Variants in MAGI2 observed in about 807,000 individuals in gnomAD.
The protein encoded by MAGI2 is membrane-associated guanylate kinase, WW and PDZ domain-containing protein 2.
Under a neutral mutation model 133.3 loss-of-function variants are expected in MAGI2, and 35 were observed. The ratio of observed to expected loss-of-function variants is 0.26; its 90% CI spans 0.20 to 0.35. The LOEUF is 0.35. MAGI2 is among the 10% of genes least tolerant of loss of function. MAGI2 has a pLI of 1.00. For missense variants in MAGI2, 1,636 were observed against 1,863.4 expected (o/e 0.88, Z 2.25); for synonymous variants, 729 against 710.6 (o/e 1.03, Z -0.41).
intron 12 of MAGI2, among the ~76,000 whole-genome samples, chr7:78,191,099 T>A (rs2150726473): frequency 6.6e-6 from 1 of 152,326 alleles, no homozygotes; most frequent in African/African-American, 2.4e-5. Context: ...GGTCAATGTT[T>A]AAATAATTAA....
At chr7:79,017,523 A>G (rs1485188751) in intron 1 of MAGI2, among the ~76,000 whole-genome samples, 3 of 152,212 alleles carry the variant, frequency 2.0e-5, no homozygotes, top group African/African-American at 7.2e-5. Context: ...TCAAAAAGCC[A>G]AAGTGGCTTC....
chr7:78,035,372 G>A (rs767157254), intron 21 of MAGI2, among the ~76,000 whole-genome samples: 3 of 136,240 alleles, frequency 2.2e-5, no homozygotes, highest in East Asian at 2.1e-4. Context: ...GAGTGAACGA[G>A]GGGTCCCAAG....
chr7:78,664,216 T>C (rs924953924), intron 2 of MAGI2, among the ~76,000 whole-genome samples: 5 of 152,142 alleles, frequency 3.3e-5, no homozygotes, highest in African/African-American at 4.8e-5. Flanking sequence ...CATGTTGATA[T>C]ATGTATATAC....
At chr7:79,186,407 A>G (rs1827149931) in intron 1 of MAGI2, among the ~76,000 whole-genome samples, 1 of 149,404 alleles carries the variant, frequency 6.7e-6, no homozygotes. Flanking sequence ...AATAGAAAAC[A>G]TCTCAATTTT....
chr7:79,251,988 C>T (rs2129555725), intron 1 of MAGI2, among the ~76,000 whole-genome samples: 1 of 151,956 alleles, frequency 6.6e-6, no homozygotes, highest in South Asian at 2.1e-4. Context: ...AAAACCTCAT[C>T]TTTACTAAAA....
At chr7:78,141,368 T>C (rs140319373) in intron 16 of MAGI2, among the ~76,000 whole-genome samples, 396 of 152,280 alleles carry the variant, frequency 2.6e-3, no homozygotes, top group African/African-American at 9.0e-3. Flanking sequence ...CATCGCTGCT[T>C]CCTAAAAATT....
intron 6 of MAGI2, among the ~76,000 whole-genome samples, chr7:78,429,453 C>T (rs924734708): frequency 2.6e-5 from 4 of 151,868 alleles, no homozygotes; most frequent in Admixed American, 6.6e-5. Context: ...TGAAAACTCC[C>T]GTGGAAAAAA....
chr7:78,614,361 T>C, intron 3 of MAGI2: 1 of 151,512 alleles, frequency 6.6e-6, no homozygotes, highest in East Asian at 1.9e-4. Flanking sequence ...AAAAAATGGA[T>C]AAACTTGTAA....
intron 1 of MAGI2, among the ~76,000 whole-genome samples, chr7:79,161,150 C>T (rs1305538129): frequency 6.6e-6 from 1 of 151,892 alleles, no homozygotes; most frequent in East Asian, 1.9e-4. Context: ...ACCCCTTTAC[C>T]TAAATGTCTT....
At chr7:78,072,858 C>T (rs974085448) in intron 21 of MAGI2, 5 of 398,328 alleles carry the variant, frequency 1.3e-5, no homozygotes. Flanking sequence ...ACAAGGTCTC[C>T]CTATGTTGCC....
chr7:78,871,242 C>T (rs1050362290), intron 2 of MAGI2, among the ~76,000 whole-genome samples: 16 of 152,114 alleles, frequency 1.1e-4, no homozygotes, highest in Middle Eastern at 3.4e-3. Flanking sequence ...ACCCAGGAGG[C>T]GAAGCTTGCC....
chr7:78,782,116 T>C (rs865781723), intron 2 of MAGI2, among the ~76,000 whole-genome samples: 1 of 152,330 alleles, frequency 6.6e-6, no homozygotes, highest in African/African-American at 2.4e-5. Flanking sequence ...GGTGAAAAAG[T>C]AGCACAAAAT....
At chr7:78,427,092 C>T (rs1160969695) in intron 6 of MAGI2, among the ~76,000 whole-genome samples, 1 of 151,664 alleles carries the variant, frequency 6.6e-6, no homozygotes, top group Non-Finnish European at 1.5e-5. Flanking sequence ...TTTAGAGTAA[C>T]CACTAAAAAC....
chr7:79,125,293 C>T (rs1264455521), intron 1 of MAGI2: 1 of 458,780 alleles, frequency 2.2e-6, no homozygotes, highest in Non-Finnish European at 4.2e-6. Context: ...CAAGAGATGG[C>T]TAGTGCTTCA....
At chr7:79,002,555 G>A (rs1008042968) in intron 2 of MAGI2, among the ~76,000 whole-genome samples, 1 of 151,818 alleles carries the variant, frequency 6.6e-6, no homozygotes, top group Non-Finnish European at 1.5e-5. Context: ...TTATCAGTTA[G>A]CTACCAAAGA....
intron 6 of MAGI2, among the ~76,000 whole-genome samples, chr7:78,394,296 A>T (rs1796150930): frequency 6.6e-6 from 1 of 152,166 alleles, no homozygotes; most frequent in Non-Finnish European, 1.5e-5. Context: ...ATACTGGACA[A>T]ATGCAAATCC....
chr7:78,097,650 T>C (rs969091789), intron 20 of MAGI2, among the ~76,000 whole-genome samples: 3 of 151,948 alleles, frequency 2.0e-5, no homozygotes, highest in Non-Finnish European at 4.4e-5. Flanking sequence ...CAACAGACAC[T>C]GGTGTCTACT....
intron 9 of MAGI2, among the ~76,000 whole-genome samples, chr7:78,257,357 G>A (rs891410090): frequency 6.6e-6 from 1 of 152,146 alleles, no homozygotes; most frequent in South Asian, 2.1e-4. Context: ...TGTTAAAATA[G>A]GATGGAGGAG....
At chr7:79,079,581 T>C (rs1442869809) in intron 1 of MAGI2, among the ~76,000 whole-genome samples, 4 of 152,174 alleles carry the variant, frequency 2.6e-5, no homozygotes. Flanking sequence ...TAAGTAGCTA[T>C]GGCTATTTCT....
Sources: allele counts gnomAD v4.1 joint callset (sites outside exome capture counted in the v4.1 genomes callset), GRCh38; gene constraint gnomAD v4.1.1; transcripts MANE v1.5; gene names NCBI Gene and HGNC (gene_info 2026-07-23, HGNC 2026-07-21).